The following IRF6 variants were observed in gnomAD, a reference collection of about 807,000 sequenced individuals.
IRF6 encodes interferon regulatory factor 6.
Under a neutral mutation model 51.4 loss-of-function variants are expected in IRF6, and 6 were observed. The ratio of observed to expected loss-of-function variants is 0.12; its 90% CI spans 0.06 to 0.23. The LOEUF (loss-of-function observed/expected upper bound fraction) is 0.23. IRF6 is among the 10% of genes least tolerant of loss of function. The pLI, the probability that IRF6 is intolerant of heterozygous loss-of-function variation, is 1.00. For synonymous variants in IRF6, 178 were observed against 215.7 expected, an observed-to-expected ratio of 0.83 and a Z score of 1.53; for missense variants, 348 against 585.2, an observed-to-expected ratio of 0.59 and a Z score of 4.18.
At chr1:209,801,541 A>G in intron 2 of IRF6, 125 bp from the exon 3 acceptor site, 1 of 764,778 alleles carries the variant, frequency 1.3e-6, no homozygotes, top group East Asian at 2.6e-5. Flanking sequence ...AAGAAACTAA[A>G]TATGGGAATA....
Position 209,788,829 on chromosome 1 carries a change from G to A in IRF6, c.1180-185C>T, listed in dbSNP as rs757402360. The stretch of plus-strand genomic sequence containing the variant: ...CTGCCAAGGCTCACTGTGGAAGTTG[G>A]TTCAAATGAAGGTAAAGAACCTAGA... On this transcript the variant is annotated intron_variant, in intron 8 of 8. Coordinates refer to ENST00000367021, the MANE Select transcript of IRF6 (RefSeq NM_006147.4). 3.4e-4 allele frequency among the ~76,000 whole-genome samples: 51 copies of A among 152,160 alleles called. 1 individual carries two copies. Among genetic ancestry groups the A allele is most frequent in the Non-Finnish European group, 1.2e-4 (8 of 68,026 alleles).
At chr1:209,805,535 T>C (rs1217042886) in intron 1 of IRF6, among the ~76,000 whole-genome samples, 1 of 152,146 alleles carries the variant, frequency 6.6e-6, no homozygotes, top group Non-Finnish European at 1.5e-5. Context: ...CTCACTCCAG[T>C]TTCCCAAAAC....
Position 209,796,634 on chromosome 1 carries a change from AACACACACACACACACACACACAC to A in IRF6, c.175-106_175-83del, listed in dbSNP as rs3028134. On this transcript the variant is annotated intron_variant, in intron 3 of 8. Coordinates refer to ENST00000367021, the MANE Select transcript of IRF6 (RefSeq NM_006147.4). The surrounding 1 kb of genome is among the most constrained non-coding windows in gnomAD (Gnocchi z 4.5). ...GTGCTTACCCTTTCTCATAGACACAAACACACACACACACACACACACACACACACACACACACACACAACTTTT... is the reference window on the plus strand; with the variant it reads ...GTGCTTACCCTTTCTCATAGACACAAACACACACACACACACACAACTTTT... The A allele has an allele frequency of 5.1e-6, 3 of 586,772 alleles. No homozygotes were observed. The African/African-American group carries it at 6.2e-5, about 12-fold the overall frequency. 36.3% of individuals were successfully genotyped at this position (586,772 alleles called of 1,614,324 possible).
chr1:209,805,879 G>A (rs2077971200), intron 1 of IRF6, 68 bp downstream of exon 1: 1 of 152,342 alleles, frequency 6.6e-6, no homozygotes, highest in South Asian at 2.1e-4. Flanking sequence ...CTCCGGGGAT[G>A]GGTCCTACCC....
chr1:209,789,624 G>A (rs1168369298), intron 8 of IRF6, 43 bp downstream of exon 8: 1 of 1,436,864 alleles, frequency 7.0e-7, no homozygotes, highest in Non-Finnish European at 9.8e-7. Flanking sequence ...CTTAAGCATT[G>A]GCAAAAAGAT....
intron 3 of IRF6, among the ~76,000 whole-genome samples, chr1:209,797,973 G>A (rs1238581558): frequency 6.6e-6 from 1 of 152,172 alleles, no homozygotes; most frequent in Non-Finnish European, 1.5e-5. Flanking sequence ...CTGATCATAG[G>A]CTTCTTCCTC....
intron 6 of IRF6, 151 bp downstream of exon 6, chr1:209,792,118 C>G (rs2077872225): frequency 2.4e-6 from 2 of 830,748 alleles, no homozygotes; most frequent in African/African-American, 3.4e-5. Context: ...TCCCTGGTGA[C>G]TCATGGGCTA....
At position 209,789,756 on chromosome 1, in the gene IRF6, C is replaced by G; in HGVS notation, c.1090G>C (p.Glu364Gln). 6.2e-7 allele frequency: 1 copy of G among 1,614,050 alleles called. No individual in the cohort carries two copies. Among genetic ancestry groups the G allele is most frequent in the Non-Finnish European group, 8.5e-7 (1 of 1,179,978 alleles). The change falls in exon 8 of 9, where the codon GAG becomes CAG. Residue 364 changes from glutamate to glutamine, a missense_variant. This residue lies in a region of IRF6 where 125 missense variants were observed against 222.0 expected (regional missense o/e 0.56). Coordinates refer to ENST00000367021, the MANE Select transcript of IRF6 (RefSeq NM_006147.4). ...TAGATCTCAAACGGTGGCTGCTTCT[C>G]TATCTGTCCTTTCTGGTGGGCAATG... is the stretch of plus-strand genomic sequence containing the variant. Reference protein sequence around the residue: ...DLIAHQKGQIEKQPPFEIYLC... With the variant: ...DLIAHQKGQIQKQPPFEIYLC...
Position 209,795,333 on chromosome 1 carries a change from G to T in IRF6, c.465C>A (p.His155Gln). The change falls in exon 5 of 9, where the codon CAC becomes CAA. Residue 155 changes from histidine to glutamine, a missense_variant. Physicochemically the swap from His to Gln is conservative, Grantham distance 24 (BLOSUM62 0). Around this residue, in one of 5 missense-constraint regions of IRF6, gnomAD observed 124 missense variants for 141.6 expected, o/e 0.88. Transcript: ENST00000367021. Reference sequence around the variant, plus strand: ...GGAAGGTGTCCTGGATGGGAACATGGTGCTGCGACTGATCCAGCTCATCTT... The same window carrying T: ...GGAAGGTGTCCTGGATGGGAACATGTTGCTGCGACTGATCCAGCTCATCTT... ...DEEDELDQSQ[H>Q]HVPIQDTFPF... is the part of the protein sequence containing the mutation. 6.2e-7 allele frequency: 1 copy of T among 1,614,162 alleles called. No individual in the cohort carries two copies.
Position 209,796,585 on chromosome 1 carries a change from T to A in IRF6, c.175-33A>T. 6.4e-7 allele frequency: 1 copy of A among 1,567,998 alleles called. No individual in the cohort carries two copies. Among genetic ancestry groups the A allele is most frequent in the Middle Eastern group, 2.3e-4 (1 of 4,414 alleles). On this transcript the variant is annotated intron_variant, in intron 3 of 8. Transcript: ENST00000367021. This position sits in a 1 kb window ranked among gnomAD's most constrained non-coding sequence, Gnocchi z 4.5. Reference sequence around the variant, plus strand: ...CAAGAAACCACAGTGAGTCCTATCATTGCCCAGAGCCACTGCAAAGCATGT... The same window carrying A: ...CAAGAAACCACAGTGAGTCCTATCAATGCCCAGAGCCACTGCAAAGCATGT...
In IRF6 at chr1:209,792,316, A is replaced by G; in HGVS notation, c.620T>C (p.Ile207Thr). 4 of 1,614,230 alleles carry G rather than the reference A, an allele frequency of 2.5e-6. No homozygotes were observed. The highest frequency in any genetic ancestry group is 2.5e-6 in the Non-Finnish European group (3 of 1,180,006). Residue 207 changes from isoleucine to threonine, a missense_variant, in exon 6 of 9, where the codon ATA (isoleucine) becomes ACA (threonine). Ile to Thr is a moderately conservative substitution (Grantham distance 89, BLOSUM62 -1). This residue lies in a region of IRF6 where 124 missense variants were observed against 141.6 expected (regional missense o/e 0.88). Coordinates refer to ENST00000367021, the MANE Select transcript of IRF6 (RefSeq NM_006147.4). Reference sequence around the variant, plus strand: ...TTCTGGAGAGCTATAGAAGGGCTGTATAGGTGCCTGGGGTACTTCCATCTC... The same window carrying G: ...TTCTGGAGAGCTATAGAAGGGCTGTGTAGGTGCCTGGGGTACTTCCATCTC... ...PLEMEVPQAP[I>T]QPFYSSPELW...
At chr1:209,802,802 T>C (rs544762116) in intron 1 of IRF6, among the ~76,000 whole-genome samples, 29 of 152,220 alleles carry the variant, frequency 1.9e-4, no homozygotes, top group African/African-American at 6.5e-4. Flanking sequence ...CTGTGCCAGG[T>C]GGGAAAGAAA....
intron 2 of IRF6, 128 bp from the exon 3 acceptor site, chr1:209,801,544 T>C (rs1376389611): frequency 9.3e-6 from 7 of 755,250 alleles, no homozygotes; most frequent in Non-Finnish European, 1.5e-5. Context: ...AAACTAAATA[T>C]GGGAATAAGC....
At chr1:209,792,058 T>C (rs1328847533) in intron 6 of IRF6, among the ~76,000 whole-genome samples, 1 of 152,198 alleles carries the variant, frequency 6.6e-6, no homozygotes, top group African/African-American at 2.4e-5. Context: ...AGGGCTGGGA[T>C]TACAGGTGTA....
At chr1:209,799,655 G>A (rs1029827986) in intron 3 of IRF6, among the ~76,000 whole-genome samples, 1 of 152,194 alleles carries the variant, frequency 6.6e-6, no homozygotes, top group African/African-American at 2.4e-5. Flanking sequence ...CATGAGTAGG[G>A]CTTTCAGGAA....
intron 3 of IRF6, among the ~76,000 whole-genome samples, chr1:209,797,776 T>C (rs1238654705): frequency 6.6e-6 from 1 of 152,202 alleles, no homozygotes; most frequent in Non-Finnish European, 1.5e-5. Context: ...TTCTTGTTTC[T>C]GCAATGGGAT....
Position 209,789,643 on chromosome 1 carries a change from G to A in IRF6, c.1179+24C>T, listed in dbSNP as rs764084512. 7.8e-6 allele frequency: 12 copies of A among 1,542,520 alleles called. No homozygotes were observed. The Admixed American group carries it at 1.5e-4, about 19-fold the overall frequency. ...AGCATTGGCAAAAAGATGAAGAGTT[G>A]TTGACACAGCCTTATCTTCTCACCT... On this transcript the variant is annotated intron_variant, in intron 8 of 8. Transcript: ENST00000367021.
rs12126910 is a variant in IRF6 at position 209,796,405 on chromosome 1, C to A, written c.322G>T (p.Val108Leu). 6.2e-7 allele frequency: 1 copy of A among 1,614,214 alleles called. No homozygotes were observed. The highest frequency in any genetic ancestry group is 1.1e-5 in the South Asian group (1 of 91,090). ...DGTKEVPMNP[V>L]KIYQVCDIPQ... ...ATGTCACACACTTGATATATCTTCA[C>A]TGGGTTCATGGGCACCTCCTTGGTG... Residue 108 changes from valine to leucine, a missense_variant, in exon 4 of 9, where the codon GTG becomes TTG. Val to Leu is a conservative substitution (Grantham distance 32). Around this residue, in one of 5 missense-constraint regions of IRF6, gnomAD observed 124 missense variants for 141.6 expected, o/e 0.88. Coordinates refer to ENST00000367021, the MANE Select transcript of IRF6 (RefSeq NM_006147.4). The surrounding 1 kb of genome is among the most constrained non-coding windows in gnomAD (Gnocchi z 4.5).
At chr1:209,805,687 C>T (rs1347829419) in intron 1 of IRF6, among the ~76,000 whole-genome samples, 2 of 152,154 alleles carry the variant, frequency 1.3e-5, no homozygotes, top group Non-Finnish European at 2.9e-5. Context: ...AGAGCAGTGC[C>T]CTCCGCTTCG....
Sources: allele counts gnomAD v4.1 joint callset (sites outside exome capture counted in the v4.1 genomes callset), GRCh38; gene constraint gnomAD v4.1.1; regional missense constraint gnomAD v4.1.1; non-coding constraint Gnocchi (gnomAD v3.1); transcripts MANE v1.5; gene names NCBI Gene and HGNC (gene_info 2026-07-23, HGNC 2026-07-21).